Variants in REST observed in about 807,000 individuals in gnomAD.
REST encodes the protein RE1 silencing transcription factor.
REST carries 1 observed loss-of-function variant against 30.4 expected under a neutral mutation model. The ratio of observed to expected loss-of-function variants is 0.03; its 90% CI spans 0.01 to 0.16. The LOEUF (loss-of-function observed/expected upper bound fraction) is 0.16, where lower values mean the gene tolerates loss of function less well. Ranked by LOEUF, REST falls within the 10% of genes least tolerant of loss-of-function variation. REST has a pLI of 1.00. For synonymous variants in REST, 504 were observed against 451.1 expected (o/e 1.12, Z -1.49); for missense variants, 1,259 against 1,329.5 (o/e 0.95, Z 0.82).
Position 56,925,582 on chromosome 4 carries a change from T to G in REST, c.983-4259T>G, listed in dbSNP as rs556569534. 1.9e-3 allele frequency among the ~76,000 whole-genome samples: 283 copies of G among 152,300 alleles called. 1 individual carries two copies. Among genetic ancestry groups the G allele is most frequent in the African/African-American group, 6.5e-3 (272 of 41,552 alleles). On this transcript the variant is annotated intron_variant, in intron 3 of 3. Transcript: ENST00000309042. The stretch of plus-strand genomic sequence containing the variant: ...GAACTCTTTCCCCTTTTGTCTTGGC[T>G]TACACCTATAAATTCATTTCGGAGG...
intron 3 of REST, among the ~76,000 whole-genome samples, chr4:56,925,089 C>T (rs368497948): frequency 1.1e-4 from 16 of 148,654 alleles, no homozygotes; most frequent in African/African-American, 2.5e-4. Context: ...CACTTGAACC[C>T]GGGAGACGGT....
chr4:56,931,959 G>C lies in REST; in HGVS notation c.3101G>C (p.Gly1034Ala). The C allele has an allele frequency of 6.2e-7, 1 of 1,614,200 alleles. No homozygotes were observed. The highest frequency in any genetic ancestry group is 8.5e-7 in the Non-Finnish European group (1 of 1,180,040). ...SEGSDDSGLH[G>A]ARPVPQESSR... ...GGTAGTGATGATTCTGGATTGCATG[G>C]GGCTCGGCCAGTTCCACAAGAATCT... is the stretch of plus-strand genomic sequence containing the variant. Residue 1034 changes from glycine to alanine, a missense_variant, in exon 4 of 4, where the codon GGG becomes GCG. Transcript: ENST00000309042.
intron 3 of REST, 29 bp from the exon 4 acceptor site, chr4:56,929,812 C>T: frequency 1.9e-6 from 3 of 1,561,484 alleles, no homozygotes; most frequent in Non-Finnish European, 1.7e-6. Flanking sequence ...TAATCTATGT[C>T]TTCTCTCATA....
chr4:56,931,307 C>G lies in REST; in HGVS notation c.2449C>G (p.Arg817Gly), dbSNP rs1720961036. The part of the protein sequence containing the change: ...MEPISKKPPL[R>G]KDKKEKSNMQ... ...GCCAATTTCCAAAAAGCCTCCTCTC[C>G]GAAAAGATAAAAAGGAAAAGTCTAA... Residue 817 changes from arginine (R) to glycine (G), a missense_variant, in exon 4 of 4, where the codon CGA (arginine) becomes GGA (glycine). Arg to Gly is a moderately radical substitution (Grantham distance 125, BLOSUM62 -2). Around this residue, in one of 5 missense-constraint regions of REST, gnomAD observed 856 missense variants for 772.8 expected, o/e 1.11. Transcript: ENST00000309042. The G allele has an allele frequency of 6.2e-7, 1 of 1,614,200 alleles. No individual in the cohort carries two copies. The highest frequency in any genetic ancestry group is 8.5e-7 in the Non-Finnish European group (1 of 1,180,054).
intron 3 of REST, among the ~76,000 whole-genome samples, chr4:56,926,236 T>C (rs986680803): frequency 6.7e-5 from 10 of 148,414 alleles, no homozygotes; most frequent in African/African-American, 2.5e-4. Context: ...AGTTTTTGTA[T>C]CTTTAGTAGA....
At chr4:56,919,980 T>A (rs1393530392) in intron 3 of REST, 110 bp downstream of exon 3, 1 of 474,056 alleles carries the variant, frequency 2.1e-6, no homozygotes, top group Non-Finnish European at 3.6e-6. Flanking sequence ...TTTAATATAA[T>A]TTAGAAGTCA....
At chr4:56,916,231 T>C (rs1720188703) in intron 2 of REST, among the ~76,000 whole-genome samples, 1 of 152,248 alleles carries the variant, frequency 6.6e-6, no homozygotes, top group African/African-American at 2.4e-5. Context: ...GATATTTAAC[T>C]TGTTCACAAA....
intron 3 of REST, among the ~76,000 whole-genome samples, chr4:56,922,782 G>A (rs1720514924): frequency 6.6e-6 from 1 of 152,084 alleles, no homozygotes; most frequent in Admixed American, 6.6e-5. Context: ...TTCTCATGGT[G>A]TCATTTAGCT....
chr4:56,926,193 GGGATT>G (rs1252479878), intron 3 of REST, among the ~76,000 whole-genome samples: 8 of 151,862 alleles, frequency 5.3e-5, no homozygotes, highest in Non-Finnish European at 8.8e-5. Context: ...CCGAGTAGCT[GGGATT>G]ACAGGCATGC....
intron 2 of REST, among the ~76,000 whole-genome samples, chr4:56,915,226 G>GTT (rs1720137033): frequency 8.3e-6 from 1 of 120,546 alleles, no homozygotes; most frequent in African/African-American, 3.2e-5. Flanking sequence ...AATTTTGTGT[G>GTT]TGTGTGTGTG....
chr4:56,918,330 C>G (rs1286684672), intron 2 of REST, among the ~76,000 whole-genome samples: 1 of 137,272 alleles, frequency 7.3e-6, no homozygotes, highest in Non-Finnish European at 1.6e-5. Flanking sequence ...GGTCTCTACC[C>G]AAAAAAAAAA....
chr4:56,919,799 A>G lies in REST; in HGVS notation c.911A>G (p.Tyr304Cys). 1 of 1,605,904 alleles carries G rather than the reference A, an allele frequency of 6.2e-7. No homozygotes were observed. The highest frequency in any genetic ancestry group is 8.5e-7 in the Non-Finnish European group (1 of 1,174,068). Residue 304 changes from tyrosine (Y) to cysteine (C), a missense_variant, in exon 3 of 4, where the codon TAT (tyrosine) becomes TGT (cysteine). By Grantham distance (194) the Tyr-to-Cys change is radical. Transcript: ENST00000309042. Reference sequence around the variant, plus strand: ...TGAAATTTTGCAGGAGAACGCCCATATAAATGTGAACTTTGTCCTTACTCA... The same window carrying G: ...TGAAATTTTGCAGGAGAACGCCCATGTAAATGTGAACTTTGTCCTTACTCA... ...HVRTHTGERP[Y>C]KCELCPYSSS... is the part of the protein sequence containing the mutation.
Position 56,927,555 on chromosome 4 carries a change from T to C in REST, c.983-2286T>C, listed in dbSNP as rs1366683359. ...AATTTGATATGAATTTGAGAATGTTTGAGATGAATTTTCATAAATGTCAAT... is the reference window on the plus strand; with the variant it reads ...AATTTGATATGAATTTGAGAATGTTCGAGATGAATTTTCATAAATGTCAAT... On this transcript the variant is annotated intron_variant, in intron 3 of 3. Coordinates refer to ENST00000309042, the MANE Select transcript of REST (RefSeq NM_005612.5). 8 of 693,988 alleles carry C rather than the reference T, an allele frequency of 1.2e-5. No homozygotes were observed. The East Asian group carries it at 8.6e-4, about 75-fold the overall frequency. 43.0% of individuals were successfully genotyped at this position (693,988 alleles called of 1,614,324 possible). A position where few individuals can be genotyped will look rare whatever the true frequency, so the allele number is the denominator to read the frequency against.
rs1336617929 is a variant in REST, at chr4:56,931,788, C to T, written c.2930C>T (p.Ser977Leu). 1.2e-6 allele frequency: 2 copies of T among 1,614,128 alleles called. No individual in the cohort carries two copies. The highest frequency in any genetic ancestry group is 1.7e-6 in the Non-Finnish European group (2 of 1,180,048). The change falls in exon 4 of 4, where the codon TCA becomes TTA. Residue 977 changes from serine (S) to leucine (L), a missense_variant. Around this residue, in one of 5 missense-constraint regions of REST, gnomAD observed 856 missense variants for 772.8 expected, o/e 1.11. Transcript: ENST00000309042. ...CCAGTTTCACCAATGCTTCCCCCTT[C>T]AGCAGTAGAAGAACGTGAAGCAGTG... ...EEPVSPMLPP[S>L]AVEEREAVSK...
At chr4:56,915,694 GAA>G (rs1720165190) in intron 2 of REST, among the ~76,000 whole-genome samples, 1 of 152,146 alleles carries the variant, frequency 6.6e-6, no homozygotes, top group Non-Finnish European at 1.5e-5. Flanking sequence ...AGTAGAGACA[GAA>G]AAGACAGGAA....
chr4:56,930,137 C>G lies in REST; in HGVS notation c.1279C>G (p.Leu427Val). ...NKTMDVSKVK[L>V]KKTKKREADL... is the part of the protein sequence containing the mutation. Reference sequence around the variant, plus strand: ...AACAATGGATGTCTCAAAAGTGAAACTAAAGAAAACCAAAAAACGAGAGGC... The same window carrying G: ...AACAATGGATGTCTCAAAAGTGAAAGTAAAGAAAACCAAAAAACGAGAGGC... Residue 427 changes from leucine (L) to valine (V), a missense_variant, in exon 4 of 4, where the codon CTA becomes GTA. Physicochemically the swap from Leu to Val is conservative, Grantham distance 32 (BLOSUM62 1). Around this residue, in one of 5 missense-constraint regions of REST, gnomAD observed 856 missense variants for 772.8 expected, o/e 1.11. Coordinates refer to ENST00000309042, the MANE Select transcript of REST (RefSeq NM_005612.5). 6.2e-7 allele frequency: 1 copy of G among 1,613,346 alleles called. No homozygotes were observed. The highest frequency in any genetic ancestry group is 8.5e-7 in the Non-Finnish European group (1 of 1,179,888).
chr4:56,923,490 C>T (rs2109555334), intron 3 of REST, among the ~76,000 whole-genome samples: 1 of 152,226 alleles, frequency 6.6e-6, no homozygotes, highest in East Asian at 1.9e-4. Flanking sequence ...TGTCACCCAG[C>T]TAGAGTACAA....
intron 1 of REST, chr4:56,909,482 GAAAA>G (rs1719796804): frequency 6.6e-6 from 1 of 152,192 alleles, no homozygotes; most frequent in Admixed American, 6.5e-5. Flanking sequence ...GGAGCAATTA[GAAAA>G]GTCGATGTTG....
chr4:56,918,901 G>A (rs1384985875), intron 2 of REST, among the ~76,000 whole-genome samples: 1 of 151,264 alleles, frequency 6.6e-6, no homozygotes, highest in African/African-American at 2.4e-5. Flanking sequence ...GAACTCCTGG[G>A]CTCAAATGAT....
Sources: allele counts gnomAD v4.1 joint callset (sites outside exome capture counted in the v4.1 genomes callset), GRCh38; gene constraint gnomAD v4.1.1; regional missense constraint gnomAD v4.1.1; transcripts MANE v1.5; gene names NCBI Gene and HGNC (gene_info 2026-07-23, HGNC 2026-07-21).